The following GNB1L variants were observed in gnomAD, a reference collection of about 807,000 sequenced individuals.
GNB1L encodes G protein subunit beta 1 like.
GNB1L carries 20 observed loss-of-function variants against 29.1 expected under a neutral mutation model. The observed-to-expected ratio is 0.69, with a 90% CI of 0.48 to 1.00. The LOEUF (loss-of-function observed/expected upper bound fraction) is 1.00, where lower values mean the gene tolerates loss of function less well. GNB1L is among the 50% of genes least tolerant of loss of function. The probability of loss-of-function intolerance (pLI) is 0.00; values close to 1 mark genes in which losing one functional copy is unlikely to be tolerated. For missense variants in GNB1L, 421 were observed against 464.9 expected, an observed-to-expected ratio of 0.91 and a Z score of 0.87; for synonymous variants, 193 against 206.5, an observed-to-expected ratio of 0.93 and a Z score of 0.56.
chr22:19,823,801 G>GCA (rs139151284), intron 2 of GNB1L, among the ~76,000 whole-genome samples: 3 of 151,942 alleles, frequency 2.0e-5, no homozygotes, highest in East Asian at 3.9e-4. Flanking sequence ...ACCCATATGT[G>GCA]CACACACACA....
intron 7 of GNB1L, among the ~76,000 whole-genome samples, chr22:19,791,091 T>C (rs1460295603): frequency 6.6e-6 from 1 of 152,104 alleles, no homozygotes; most frequent in Non-Finnish European, 1.5e-5. Flanking sequence ...TAATTAGCCA[T>C]GCATGCTGGC....
At chr22:19,806,835 G>T (rs981602490) in intron 5 of GNB1L, 78 bp from the exon 6 acceptor site, 6 of 1,041,344 alleles carry the variant, frequency 5.8e-6, no homozygotes, top group South Asian at 2.7e-5. Flanking sequence ...CTCTTAAGGC[G>T]ATTAGCCCGG....
At chr22:19,803,572 G>C (rs371867211) in intron 6 of GNB1L, among the ~76,000 whole-genome samples, 2 of 152,210 alleles carry the variant, frequency 1.3e-5, no homozygotes, top group East Asian at 1.9e-4. Flanking sequence ...ATCACCTGCT[G>C]GGAAATGAGG....
At chr22:19,821,688 T>G (rs576687654) in intron 2 of GNB1L, among the ~76,000 whole-genome samples, 13 of 152,308 alleles carry the variant, frequency 8.5e-5, no homozygotes, top group African/African-American at 3.1e-4. Flanking sequence ...TGCACCTGAC[T>G]GGTGCACCCG....
Position 19,784,666 on chromosome 22 carries a change from G to A in GNB1L, c.*4043C>T, listed in dbSNP as rs1235651896. ...ATGGTGGCGCCCACCGTCGAGAGGGGAGGCCCCTTGGCACTGGAGGCAGGG... is the reference window on the plus strand; with the variant it reads ...ATGGTGGCGCCCACCGTCGAGAGGGAAGGCCCCTTGGCACTGGAGGCAGGG... On this transcript the variant is annotated 3_prime_UTR_variant, in exon 8 of 8. Transcript: ENST00000329517. The A allele has an allele frequency of 1.3e-5, 2 of 152,304 alleles. No homozygotes were observed. Among genetic ancestry groups the A allele is most frequent in the Non-Finnish European group, 2.9e-5 (2 of 68,084 alleles). 9.4% of individuals were successfully genotyped at this position (152,304 alleles called of 1,614,324 possible).
chr22:19,791,253 G>A (rs1248624722), intron 7 of GNB1L, among the ~76,000 whole-genome samples: 1 of 152,132 alleles, frequency 6.6e-6, no homozygotes, highest in East Asian at 1.9e-4. Context: ...CAAAATAACT[G>A]TAAATATCTG....
At chr22:19,831,566 C>T (rs1937680731) in intron 2 of GNB1L, among the ~76,000 whole-genome samples, 1 of 151,416 alleles carries the variant, frequency 6.6e-6, no homozygotes, top group Non-Finnish European at 1.5e-5. Context: ...TGGCAGGTGC[C>T]TGTAGTCCCA....
Position 19,784,868 on chromosome 22 carries a change from A to T in GNB1L, c.*3841T>A, listed in dbSNP as rs1004937483. 6.6e-5 allele frequency: 10 copies of T among 152,132 alleles called. No homozygotes were observed. The highest frequency in any genetic ancestry group is 2.2e-4 in the African/African-American group (9 of 41,406). The allele number at this position is 152,132 out of a possible 1,614,324, so 9.4% of individuals were successfully genotyped here. A position where few individuals can be genotyped will look rare whatever the true frequency, so the allele number is the denominator to read the frequency against. ...TACGGCTCCAGCCACTCAGGATCCC[A>T]CTCTGGGCCGTGAAAGTTACTCCAC... is the stretch of plus-strand genomic sequence containing the variant. On this transcript the variant is annotated 3_prime_UTR_variant, in exon 8 of 8. Transcript: ENST00000329517.
chr22:19,819,160 G>A (rs1937558357), intron 4 of GNB1L, among the ~76,000 whole-genome samples: 1 of 152,238 alleles, frequency 6.6e-6, no homozygotes, highest in Admixed American at 6.5e-5. Context: ...CACACTCAGA[G>A]GCAGGCCCTC....
intron 2 of GNB1L, among the ~76,000 whole-genome samples, chr22:19,836,780 C>T (rs1479161218): frequency 6.6e-6 from 1 of 152,016 alleles, no homozygotes; most frequent in Non-Finnish European, 1.5e-5. Context: ...AAAAATCATT[C>T]AATGTAAACT....
At chr22:19,852,614 C>A (rs148084730) in intron 2 of GNB1L, 3 of 268,720 alleles carry the variant, frequency 1.1e-5, no homozygotes, top group Non-Finnish European at 2.1e-5. Flanking sequence ...AAGGAGGGGC[C>A]CAGGGGGCTG....
At chr22:19,845,858 ATG>A (rs1937949462) in intron 2 of GNB1L, among the ~76,000 whole-genome samples, 1 of 152,228 alleles carries the variant, frequency 6.6e-6, no homozygotes. Context: ...TTGTGATCCA[ATG>A]TGTTTTAAAA....
chr22:19,849,223 G>C (rs68172222), intron 2 of GNB1L: 56,231 of 984,984 alleles, frequency 0.057, 1,673 homozygotes, highest in Non-Finnish European at 0.06. Context: ...CTATTTCCAA[G>C]GTTTCCAGTT....
At chr22:19,809,151 C>T (rs1937469574) in intron 5 of GNB1L, among the ~76,000 whole-genome samples, 1 of 151,830 alleles carries the variant, frequency 6.6e-6, no homozygotes, top group African/African-American at 2.4e-5. Flanking sequence ...CATTCTGTGC[C>T]TTTAAAAACC....
chr22:19,783,845 A>G lies in GNB1L; in HGVS notation c.*4864T>C, dbSNP rs1279334076. The G allele has an allele frequency of 6.6e-6, 1 of 152,330 alleles. No homozygotes were observed. 9.4% of individuals were successfully genotyped at this position (152,330 alleles called of 1,614,324 possible). On this transcript the variant is annotated 3_prime_UTR_variant, in exon 8 of 8. Coordinates refer to ENST00000329517, the MANE Select transcript of GNB1L (RefSeq NM_053004.3). The stretch of plus-strand genomic sequence containing the variant: ...CCTAATGGGCCTCCCATAAAAGCTG[A>G]TGCGTGGGAGCCAAGCCACAGCTCG...
rs929927964 is a variant in GNB1L at position 19,847,978 on chromosome 22, A to G, written c.-21+6465T>C. 10 of 985,224 alleles carry G rather than the reference A, an allele frequency of 1.0e-5. No individual in the cohort carries two copies. The African/African-American group carries it at 1.6e-4, about 15-fold the overall frequency. 61.0% of individuals were successfully genotyped at this position (985,224 alleles called of 1,614,324 possible). On this transcript the variant is annotated intron_variant, in intron 2 of 7. Transcript: ENST00000329517. ...ACTGAATAATCCATTTTACTCGTTA[A>G]TTGGAAACACCTCTAGCCTGTACTA...
chr22:19,847,512 G>A (rs2145902249), intron 2 of GNB1L: 1 of 985,356 alleles, frequency 1.0e-6, no homozygotes. Flanking sequence ...GAAAAACTCT[G>A]GTCACAGCTC....
chr22:19,846,476 C>T, intron 2 of GNB1L: 1 of 985,266 alleles, frequency 1.0e-6, no homozygotes. Flanking sequence ...GCCTGGGGGA[C>T]TCTGCACACA....
intron 2 of GNB1L, among the ~76,000 whole-genome samples, chr22:19,835,074 T>C (rs1569052159): frequency 6.6e-6 from 1 of 152,106 alleles, no homozygotes; most frequent in Non-Finnish European, 1.5e-5. Flanking sequence ...ACACAAAAGT[T>C]GTAAATACTG....
Sources: gnomAD v4.1 joint callset for allele counts (sites outside exome capture counted in the v4.1 genomes callset) on GRCh38, gnomAD v4.1.1 for gene constraint, MANE v1.5 for transcripts, NCBI Gene and HGNC (gene_info 2026-07-23, HGNC 2026-07-21) for gene names.